MBD5: variants seen among roughly 807,000 people sequenced by gnomAD.
The protein encoded by MBD5 is methyl-CpG binding domain protein 5.
MBD5 carries 13 observed loss-of-function variants against 117.3 expected under a neutral mutation model. The observed-to-expected ratio is 0.11, with a 90% CI of 0.07 to 0.18. MBD5 has a LOEUF of 0.18. MBD5 is among the 10% of genes least tolerant of loss of function. The pLI is 1.00. For missense variants in MBD5, 1,879 were observed against 2,093.8 expected (o/e 0.90, Z 2.00); for synonymous variants, 727 against 766.4 (o/e 0.95, Z 0.85).
At chr2:148,325,786 G>C (rs558770220) in intron 3 of MBD5, among the ~76,000 whole-genome samples, 2 of 152,020 alleles carry the variant, frequency 1.3e-5, no homozygotes, top group South Asian at 4.1e-4. Context: ...AAAAAAACCA[G>C]CTCCTGGATT....
At chr2:148,092,911 C>T (rs971228215) in intron 1 of MBD5, among the ~76,000 whole-genome samples, 1 of 151,426 alleles carries the variant, frequency 6.6e-6, no homozygotes, top group African/African-American at 2.4e-5. Context: ...AAGCTAGCTT[C>T]TTATCTATCA....
intron 4 of MBD5, among the ~76,000 whole-genome samples, chr2:148,445,567 T>G (rs1229053060): frequency 6.6e-6 from 1 of 151,434 alleles, no homozygotes; most frequent in Non-Finnish European, 1.5e-5. Flanking sequence ...TCCAAGTCTT[T>G]GCTATTGTGA....
At chr2:148,407,664 C>A (rs988963439) in intron 4 of MBD5, among the ~76,000 whole-genome samples, 1 of 152,012 alleles carries the variant, frequency 6.6e-6, no homozygotes, top group African/African-American at 2.4e-5. Context: ...CTAGAGTTAT[C>A]ATTGCAAACA....
intron 4 of MBD5, among the ~76,000 whole-genome samples, chr2:148,365,459 G>A (rs1487759508): frequency 6.6e-6 from 1 of 152,094 alleles, no homozygotes; most frequent in Non-Finnish European, 1.5e-5. Context: ...ACATTCAAAA[G>A]CTAGCAGAAG....
At chr2:148,274,030 G>A (rs1701044885) in intron 3 of MBD5, among the ~76,000 whole-genome samples, 1 of 151,540 alleles carries the variant, frequency 6.6e-6, no homozygotes, top group Non-Finnish European at 1.5e-5. Flanking sequence ...TTCTCATTTG[G>A]AAGTTTTTCT....
intron 4 of MBD5, among the ~76,000 whole-genome samples, chr2:148,370,409 G>T (rs1703817211): frequency 6.6e-6 from 1 of 152,078 alleles, no homozygotes; most frequent in South Asian, 2.1e-4. Flanking sequence ...TTACTGTTTG[G>T]TGATTTTTTG....
intron 3 of MBD5, among the ~76,000 whole-genome samples, chr2:148,285,925 A>G (rs895344010): frequency 2.0e-5 from 3 of 152,158 alleles, no homozygotes; most frequent in African/African-American, 2.4e-5. Context: ...GTGATTTTAT[A>G]TATCACTTTA....
chr2:148,426,206 T>C (rs554946530), intron 4 of MBD5, among the ~76,000 whole-genome samples: 12 of 152,258 alleles, frequency 7.9e-5, no homozygotes, highest in Middle Eastern at 3.4e-3. Flanking sequence ...GAATCAATAT[T>C]GTGAAAATGG....
intron 3 of MBD5, among the ~76,000 whole-genome samples, chr2:148,329,519 C>T (rs1179164969): frequency 6.6e-6 from 1 of 152,034 alleles, no homozygotes; most frequent in African/African-American, 2.4e-5. Context: ...CTTCTCCAGA[C>T]TGTACTAATT....
At chr2:148,312,206 G>T (rs1386889237) in intron 3 of MBD5, among the ~76,000 whole-genome samples, 1 of 152,118 alleles carries the variant, frequency 6.6e-6, no homozygotes, top group Non-Finnish European at 1.5e-5. Flanking sequence ...CCCTTGCTAG[G>T]TTGGGGACGT....
intron 12 of MBD5, among the ~76,000 whole-genome samples, chr2:148,502,811 T>C (rs1158280915): frequency 3.3e-5 from 5 of 152,246 alleles, no homozygotes; most frequent in African/African-American, 1.2e-4. Flanking sequence ...TCTCAACATA[T>C]AGCAATTAAA....
intron 4 of MBD5, among the ~76,000 whole-genome samples, chr2:148,345,328 T>C (rs1703065256): frequency 6.7e-6 from 1 of 150,040 alleles, no homozygotes; most frequent in Non-Finnish European, 1.5e-5. Context: ...TATATATATA[T>C]ATGTATATAC....
At chr2:148,252,554 C>G (rs751777275) in intron 3 of MBD5, among the ~76,000 whole-genome samples, 2 of 152,074 alleles carry the variant, frequency 1.3e-5, no homozygotes, top group Non-Finnish European at 2.9e-5. Context: ...TATGGAAAAC[C>G]TCTGCAAGTT....
intron 3 of MBD5, among the ~76,000 whole-genome samples, chr2:148,294,052 TTATCAACTGGA>T (rs1701569130): frequency 1.3e-5 from 2 of 152,176 alleles, no homozygotes; most frequent in Admixed American, 1.3e-4. Context: ...TCATGTCAGA[TTATCAACTGGA>T]TTCTTGAAGA....
chr2:148,393,041 C>A (rs748880218), intron 4 of MBD5, among the ~76,000 whole-genome samples: 11 of 151,980 alleles, frequency 7.2e-5, no homozygotes, highest in Non-Finnish European at 1.6e-4. Flanking sequence ...TATTTCTTTT[C>A]TGCATTTCCA....
intron 3 of MBD5, among the ~76,000 whole-genome samples, chr2:148,259,830 C>G (rs1700689581): frequency 6.6e-6 from 1 of 152,182 alleles, no homozygotes; most frequent in Non-Finnish European, 1.5e-5. Context: ...TCATGCTGCA[C>G]CAGAAGGCCA....
rs759521308 is a variant in MBD5, at chr2:148,510,084, A to G, written c.5061A>G (p.Leu1687=). The G allele has an allele frequency of 6.2e-7, 1 of 1,612,876 alleles. No individual in the cohort carries two copies. The highest frequency in any genetic ancestry group is 1.1e-5 in the South Asian group (1 of 91,050). ...GAAGTGGAAAGCTAAATAACCATTT[A>G]GAAGCTGCTATTCATGAGGCCATGA... is the stretch of plus-strand genomic sequence containing the variant. The part of the protein sequence containing the change: ...NRKSGKLNNH[L]EAAIHEAMSE... The change falls in exon 13 of 14, where the codon TTA becomes TTG. Residue 1687 remains leucine, a synonymous_variant. Coordinates refer to ENST00000642680, the MANE Select transcript of MBD5 (RefSeq NM_001378120.1).
intron 11 of MBD5, among the ~76,000 whole-genome samples, chr2:148,493,861 G>C (rs190601715): frequency 5.3e-5 from 8 of 152,220 alleles, no homozygotes; most frequent in East Asian, 3.9e-4. Context: ...AAAAAAGCAG[G>C]GTGTAGCATA....
intron 1 of MBD5, among the ~76,000 whole-genome samples, chr2:148,175,030 A>G (rs1293069328): frequency 6.6e-6 from 1 of 152,184 alleles, no homozygotes; most frequent in African/African-American, 2.4e-5. Context: ...ACAATAGCCA[A>G]GTTACAGAAT....
Sources: allele counts gnomAD v4.1 joint callset (sites outside exome capture counted in the v4.1 genomes callset), GRCh38; gene constraint gnomAD v4.1.1; transcripts MANE v1.5; gene names NCBI Gene and HGNC (gene_info 2026-07-23, HGNC 2026-07-21).